The following DHX57 variants were observed in gnomAD, a reference collection of about 807,000 sequenced individuals.
DHX57 encodes DExH-box helicase 57.
A neutral mutation model predicts 156.2 loss-of-function variants in DHX57; 105 were observed. The ratio of observed to expected loss-of-function variants is 0.67; its 90% confidence interval spans 0.57 to 0.79. The LOEUF is 0.79. Ranked by LOEUF, DHX57 falls within the 30% of genes least tolerant of loss-of-function variation. The probability of loss-of-function intolerance (pLI) is 0.00; values close to 1 mark genes in which losing one functional copy is unlikely to be tolerated. For synonymous variants in DHX57, 704 were observed against 595.6 expected (o/e 1.18, Z -2.65); for missense variants, 1,847 against 1,661.9 (o/e 1.11, Z -1.94).
chr2:38,811,867 A>G (rs2148541284), intron 21 of DHX57, among the ~76,000 whole-genome samples: 1 of 152,234 alleles, frequency 6.6e-6, no homozygotes, highest in East Asian at 1.9e-4. Context: ...CTTATACCAC[A>G]TTTATGTTCT....
At chr2:38,866,209 T>C (rs909186380) in intron 2 of DHX57, among the ~76,000 whole-genome samples, 3 of 152,248 alleles carry the variant, frequency 2.0e-5, no homozygotes, top group Middle Eastern at 3.2e-3. Context: ...TCTTACTTCA[T>C]GTAAAAGCCA....
At chr2:38,846,912 C>G (rs1672317241) in intron 11 of DHX57, 107 bp downstream of exon 11, 4 of 811,334 alleles carry the variant, frequency 4.9e-6, no homozygotes, top group Non-Finnish European at 7.8e-6. Flanking sequence ...TGGTCTTGAA[C>G]TGGCCCCAAA....
At chr2:38,832,280 A>G (rs1257494791) in intron 13 of DHX57, among the ~76,000 whole-genome samples, 1 of 151,630 alleles carries the variant, frequency 6.6e-6, no homozygotes, top group African/African-American at 2.4e-5. Flanking sequence ...TCTCTACTAA[A>G]AATACAAAAA....
intron 9 of DHX57, among the ~76,000 whole-genome samples, chr2:38,849,457 A>G (rs908858443): frequency 6.6e-6 from 1 of 151,968 alleles, no homozygotes; most frequent in Admixed American, 6.6e-5. Context: ...CACACTTGTA[A>G]TCCTAGCAGT....
At chr2:38,842,311 A>C (rs1251192076) in intron 12 of DHX57, among the ~76,000 whole-genome samples, 1 of 152,258 alleles carries the variant, frequency 6.6e-6, no homozygotes, top group African/African-American at 2.4e-5. Context: ...GAGACTAAGA[A>C]TACATGACTG....
intron 11 of DHX57, among the ~76,000 whole-genome samples, chr2:38,846,791 CAT>C (rs1280652738): frequency 6.6e-6 from 1 of 151,638 alleles, no homozygotes; most frequent in African/African-American, 2.4e-5. Flanking sequence ...AAGACTAACA[CAT>C]GTATTAGTAT....
At position 38,817,906 on chromosome 2, in the gene DHX57, G is replaced by A. The variant is rs111376642; in HGVS notation, c.3471+971C>T. On this transcript the variant is annotated intron_variant, in intron 19 of 23. Transcript: ENST00000457308. Reference sequence around the variant, plus strand: ...AGAGATGGGGTTTTGCCATGTTTCCGAGGATGGTCTCAAATTCCTGGGCTC... The same window carrying A: ...AGAGATGGGGTTTTGCCATGTTTCCAAGGATGGTCTCAAATTCCTGGGCTC... Among the ~76,000 whole-genome samples, 257 of 151,646 alleles carry A rather than the reference G, an allele frequency of 1.7e-3. 1 individual carries two copies. Among genetic ancestry groups the A allele is most frequent in the Non-Finnish European group, 2.9e-3 (197 of 67,894 alleles).
At chr2:38,867,011 G>A (rs966919916) in intron 2 of DHX57, 1 of 152,158 alleles carries the variant, frequency 6.6e-6, no homozygotes, top group Non-Finnish European at 1.5e-5. Context: ...TTCCATTCAC[G>A]GTAAGTGCCC....
intron 1 of DHX57, among the ~76,000 whole-genome samples, chr2:38,870,421 C>T (rs1364909104): frequency 6.6e-6 from 1 of 152,104 alleles, no homozygotes; most frequent in East Asian, 1.9e-4. Context: ...AGACATGTTG[C>T]AATAAAAATG....
At chr2:38,824,790 G>A (rs569867042) in intron 16 of DHX57, among the ~76,000 whole-genome samples, 1 of 152,274 alleles carries the variant, frequency 6.6e-6, no homozygotes, top group East Asian at 1.9e-4. Context: ...TGGGATTACA[G>A]GCGTGCGCCA....
chr2:38,858,416 C>G (rs1309974925), intron 6 of DHX57, among the ~76,000 whole-genome samples: 1 of 121,726 alleles, frequency 8.2e-6, no homozygotes, highest in African/African-American at 2.6e-5. Context: ...GTCACAGTAC[C>G]AAAGGCACAT....
At chr2:38,823,907 G>A (rs543499158) in intron 16 of DHX57, among the ~76,000 whole-genome samples, 67 of 152,092 alleles carry the variant, frequency 4.4e-4, no homozygotes, top group Non-Finnish European at 8.1e-4. Context: ...AGCTACTTGG[G>A]AGGCTGAGGC....
At chr2:38,831,194 T>C (rs1671360603) in intron 13 of DHX57, among the ~76,000 whole-genome samples, 1 of 152,064 alleles carries the variant, frequency 6.6e-6, no homozygotes, top group Admixed American at 6.5e-5. Context: ...AAAATTTTTG[T>C]CTATATTTTT....
intron 1 of DHX57, among the ~76,000 whole-genome samples, chr2:38,869,043 C>T (rs941776740): frequency 1.1e-4 from 16 of 152,318 alleles, no homozygotes; most frequent in African/African-American, 3.4e-4. Flanking sequence ...CTCAAGTGAT[C>T]TGCGCACCTC....
chr2:38,875,548 C>T (rs992779960), intron 1 of DHX57, among the ~76,000 whole-genome samples: 2 of 151,950 alleles, frequency 1.3e-5, no homozygotes, highest in African/African-American at 2.4e-5. Context: ...CCCCAACCTG[C>T]AGTTTGAGCG....
intron 2 of DHX57, among the ~76,000 whole-genome samples, chr2:38,866,777 T>C (rs370316780): frequency 2.1e-4 from 32 of 152,216 alleles, no homozygotes; most frequent in African/African-American, 7.7e-4. Context: ...AGTTAGGTTC[T>C]TGGCTAGGCA....
At chr2:38,852,876 G>T (rs1230694323) in intron 9 of DHX57, among the ~76,000 whole-genome samples, 1 of 152,094 alleles carries the variant, frequency 6.6e-6, no homozygotes, top group Non-Finnish European at 1.5e-5. Flanking sequence ...GCCCTGGAAG[G>T]TCTGGCTCCT....
intron 6 of DHX57, among the ~76,000 whole-genome samples, chr2:38,857,928 G>A (rs1558399166): frequency 1.3e-5 from 2 of 152,044 alleles, no homozygotes; most frequent in African/African-American, 4.8e-5. Flanking sequence ...TGTTTTTAGA[G>A]ACAGGGACTC....
At chr2:38,841,829 T>C (rs1380940953) in intron 12 of DHX57, among the ~76,000 whole-genome samples, 1 of 151,976 alleles carries the variant, frequency 6.6e-6, no homozygotes. Flanking sequence ...GAACAAAGAG[T>C]AGCCAGCTAG....
Sources: gnomAD v4.1 joint callset for allele counts (sites outside exome capture counted in the v4.1 genomes callset) on GRCh38, gnomAD v4.1.1 for gene constraint, MANE v1.5 for transcripts, NCBI Gene and HGNC (gene_info 2026-07-23, HGNC 2026-07-21) for gene names.